Variants in SLC2A11 observed in about 807,000 individuals in gnomAD.
SLC2A11 encodes the protein solute carrier family 2, facilitated glucose transporter member 11.
Under a neutral mutation model 52.1 loss-of-function variants are expected in SLC2A11, and 43 were observed. That is an observed-to-expected ratio of 0.82 (90% CI 0.65 to 1.06). The LOEUF (loss-of-function observed/expected upper bound fraction) is 1.06. SLC2A11 is among the 50% of genes least tolerant of loss of function. The pLI is 0.00. For synonymous variants in SLC2A11, 261 were observed against 277.6 expected, an observed-to-expected ratio of 0.94 and a Z score of 0.59; for missense variants, 582 against 654.2, an observed-to-expected ratio of 0.89 and a Z score of 1.20.
chr22:23,884,032 G>A lies in SLC2A11; in HGVS notation c.1171+8G>A. 1 of 1,610,124 alleles carries A rather than the reference G, an allele frequency of 6.2e-7. No homozygotes were observed. Among genetic ancestry groups the A allele is most frequent in the Non-Finnish European group, 8.5e-7 (1 of 1,178,936 alleles). Reference sequence around the variant, plus strand: ...GCTTTGGCATTGGCCCTGGTGAGTGGGCCCAAGGGGCTCTGGGCATCCATC... The same window carrying A: ...GCTTTGGCATTGGCCCTGGTGAGTGAGCCCAAGGGGCTCTGGGCATCCATC... On this transcript the variant is annotated splice_region_variant and intron_variant, in intron 10 of 11. Transcript: ENST00000316185. This position sits in a 1 kb window ranked among gnomAD's most constrained non-coding sequence, Gnocchi z 4.3.
chr22:23,877,007 G>T lies in SLC2A11; in HGVS notation c.416-35G>T, dbSNP rs774418421. On this transcript the variant is annotated intron_variant, in intron 4 of 11. Coordinates refer to ENST00000316185, the MANE Select transcript of SLC2A11 (RefSeq NM_001024939.4). ...GTGTCGTGGAGTGGGGGTCCCAGCTGGTGGCTGACGTGCCTCTGCTGTGCA... is the reference window on the plus strand; with the variant it reads ...GTGTCGTGGAGTGGGGGTCCCAGCTTGTGGCTGACGTGCCTCTGCTGTGCA... 1.9e-6 allele frequency: 3 copies of T among 1,613,354 alleles called. No individual in the cohort carries two copies. The African/African-American group carries it at 4.0e-5, about 22-fold the overall frequency.
In SLC2A11 at chr22:23,877,127, C is replaced by G. The variant is rs1568993172; in HGVS notation, c.501C>G (p.Ile167Met). 3 of 1,613,740 alleles carry G rather than the reference C, an allele frequency of 1.9e-6. No homozygotes were observed. Among genetic ancestry groups the G allele is most frequent in the Non-Finnish European group, 2.5e-6 (3 of 1,179,876 alleles). Residue 167 changes from isoleucine to methionine, a missense_variant, in exon 5 of 12, where the codon ATC (isoleucine) becomes ATG (methionine). Coordinates refer to ENST00000316185, the MANE Select transcript of SLC2A11 (RefSeq NM_001024939.4). The part of the protein sequence containing the change: ...LRGAVAMSSA[I>M]FTALGIVMGQ... Reference sequence around the variant, plus strand: ...GAGCTGTGGCCATGAGCTCAGCCATCTTTACGGCTCTGGGGATCGTGATGG... The same window carrying G: ...GAGCTGTGGCCATGAGCTCAGCCATGTTTACGGCTCTGGGGATCGTGATGG...
Position 23,882,771 on chromosome 22 carries a change from G to A in SLC2A11, c.895G>A (p.Ala299Thr), listed in dbSNP as rs748524480. 8.7e-6 allele frequency: 14 copies of A among 1,612,804 alleles called. No homozygotes were observed. In the East Asian group the frequency reaches 1.6e-4, roughly 18 times the overall value. ...LCGNDSVYAY[A>T]SSVFRKAGVP... ...CACCCTCTCCCAGGTGTACGCCTAC[G>A]CCTCCTCCGTGTTCCGGAAGGCAGG... is the stretch of plus-strand genomic sequence containing the variant. The change falls in exon 8 of 12, where the codon GCC becomes ACC. Residue 299 changes from alanine (A) to threonine (T), a missense_variant. Ala to Thr is a moderately conservative substitution (Grantham distance 58). Transcript: ENST00000316185.
Position 23,883,878 on chromosome 22 carries a change from C to G in SLC2A11, c.1095+5C>G, listed in dbSNP as rs2146147727. 6.2e-7 allele frequency: 1 copy of G among 1,603,480 alleles called. No homozygotes were observed. ...ACTGTGGCCCTGTGCCTGCAGGTAG[C>G]TGGGGTGGATGAGGGCTGGGGGGTC... On this transcript the variant is annotated splice_donor_5th_base_variant and intron_variant, in intron 9 of 11. Transcript: ENST00000316185.
intron 3 of SLC2A11, chr22:23,870,072 A>G: frequency 1.4e-6 from 1 of 717,196 alleles, no homozygotes; most frequent in East Asian, 2.7e-5. Flanking sequence ...AGAGACACAA[A>G]CCTTCAAACC....
In SLC2A11 at chr22:23,884,798, C is replaced by T. The variant is rs761758106; in HGVS notation, c.1449C>T (p.Ala483=). ...ELHRLNFPRR[A]QGPTWRSLEV... is the part of the protein sequence containing the mutation. ...ACAGACTCAACTTCCCCAGGCGGGC[C>T]CAGGGCCCCACGTGGAGGAGCCTGG... is the stretch of plus-strand genomic sequence containing the variant. The change falls in exon 12 of 12, where the codon GCC becomes GCT. Residue 483 remains alanine, a synonymous_variant. Transcript: ENST00000316185. The surrounding 1 kb of genome is among the most constrained non-coding windows in gnomAD (Gnocchi z 4.3). The T allele has an allele frequency of 1.9e-6, 3 of 1,614,186 alleles. No homozygotes were observed. In the South Asian group the frequency reaches 3.3e-5, roughly 18 times the overall value.
chr22:23,882,572 C>T lies in SLC2A11; in HGVS notation c.808C>T (p.His270Tyr). ...RARRPWELFQHRALRRQVTSL... is the reference protein window; with the variant it reads ...RARRPWELFQYRALRRQVTSL... Reference sequence around the variant, plus strand: ...CCGGCGCCCATGGGAGCTGTTCCAGCATCGGGCCCTGAGGAGACAGGTGAC... The same window carrying T: ...CCGGCGCCCATGGGAGCTGTTCCAGTATCGGGCCCTGAGGAGACAGGTGAC... The change falls in exon 7 of 12, where the codon CAT becomes TAT. Residue 270 changes from histidine (H) to tyrosine (Y), a missense_variant. Coordinates refer to ENST00000316185, the MANE Select transcript of SLC2A11 (RefSeq NM_001024939.4). The T allele has an allele frequency of 5.0e-6, 8 of 1,612,990 alleles. No individual in the cohort carries two copies. Among genetic ancestry groups the T allele is most frequent in the Non-Finnish European group, 6.8e-6 (8 of 1,179,690 alleles).
intron 1 of SLC2A11, among the ~76,000 whole-genome samples, chr22:23,859,179 G>A (rs1321304641): frequency 6.6e-6 from 1 of 152,146 alleles, no homozygotes; most frequent in African/African-American, 2.4e-5. Flanking sequence ...ACTTCCATGC[G>A]GCCCCCGTGG....
chr22:23,869,877 G>T (rs764725835), intron 3 of SLC2A11: 14 of 648,028 alleles, frequency 2.2e-5, no homozygotes, highest in Non-Finnish European at 2.8e-5. Flanking sequence ...GGCGAATGCT[G>T]TGTCCTCATA....
At position 23,882,600 on chromosome 22, in the gene SLC2A11, G is replaced by C; in HGVS notation, c.836G>C (p.Ser279Thr). The C allele has an allele frequency of 6.2e-7, 1 of 1,613,510 alleles. No individual in the cohort carries two copies. The highest frequency in any genetic ancestry group is 8.5e-7 in the Non-Finnish European group (1 of 1,179,836). The part of the protein sequence containing the change: ...QHRALRRQVT[S>T]LVVLGSAMEL... The stretch of plus-strand genomic sequence containing the variant: ...CGGGCCCTGAGGAGACAGGTGACAA[G>C]CCTCGTGGTTCTGGGCAGTGCCATG... The change falls in exon 7 of 12, where the codon AGC (serine) becomes ACC (threonine). Residue 279 changes from serine to threonine, a missense_variant. Coordinates refer to ENST00000316185, the MANE Select transcript of SLC2A11 (RefSeq NM_001024939.4).
At chr22:23,867,200 A>AT (rs113034035) in intron 2 of SLC2A11, 169 of 148,164 alleles carry the variant, frequency 1.1e-3, no homozygotes, top group South Asian at 6.6e-3. Context: ...AACTCTTGGA[A>AT]TTTTTTTTTT....
intron 2 of SLC2A11, among the ~76,000 whole-genome samples, chr22:23,863,170 A>G (rs2032133461): frequency 6.6e-6 from 1 of 152,186 alleles, no homozygotes; most frequent in African/African-American, 2.4e-5. Flanking sequence ...CCTTCCTCTA[A>G]GCCTCCTTCC....
rs779440662 is a variant in SLC2A11 at position 23,883,753 on chromosome 22, GT to G, written c.994-18del. 3.7e-5 allele frequency: 56 copies of G among 1,498,766 alleles called. 1 individual carries two copies. The South Asian group carries it at 6.7e-4, about 18-fold the overall frequency. The allele number at this position is 1,498,766 out of a possible 1,614,324, so 92.8% of individuals were successfully genotyped here. On this transcript the variant is annotated intron_variant, in intron 8 of 11. Coordinates refer to ENST00000316185, the MANE Select transcript of SLC2A11 (RefSeq NM_001024939.4). Reference sequence around the variant, plus strand: ...GGACCATGGCTGGGTGTGTGGGTCTGTGCTTTCTGCCTTTGCAGTGTGTGGT... The same window carrying G: ...GGACCATGGCTGGGTGTGTGGGTCTGGCTTTCTGCCTTTGCAGTGTGTGGT...
intron 6 of SLC2A11, chr22:23,880,990 G>A (rs930842762): frequency 1.3e-5 from 2 of 151,958 alleles, no homozygotes; most frequent in Admixed American, 6.6e-5. Flanking sequence ...CATTTCTCCA[G>A]CCTCATCGCC....
At chr22:23,877,473 A>G in intron 5 of SLC2A11, 2 of 765,708 alleles carry the variant, frequency 2.6e-6, no homozygotes, top group Admixed American at 2.0e-5. Flanking sequence ...TCCAGAAAAA[A>G]GAGGAGAAGG....
At chr22:23,878,954 C>T (rs1231110688) in intron 6 of SLC2A11, among the ~76,000 whole-genome samples, 1 of 152,156 alleles carries the variant, frequency 6.6e-6, no homozygotes, top group African/African-American at 2.4e-5. Context: ...AAAATTAATG[C>T]TCTCATTTCA....
chr22:23,860,740 T>TG (rs2032022471), intron 1 of SLC2A11, among the ~76,000 whole-genome samples: 1 of 150,956 alleles, frequency 6.6e-6, no homozygotes, highest in Non-Finnish European at 1.5e-5. Context: ...CTCTTTTTTT[T>TG]TTTTGAGACG....
At chr22:23,872,291 G>A (rs998242190) in intron 3 of SLC2A11, 2 of 152,232 alleles carry the variant, frequency 1.3e-5, no homozygotes, top group East Asian at 1.9e-4. Context: ...GCTGCAGTGA[G>A]CTGTTATAGC....
At chr22:23,872,338 C>G (rs1213391144) in intron 3 of SLC2A11, 6 of 88,582 alleles carry the variant, frequency 6.8e-5, no homozygotes, top group Admixed American at 6.1e-4. Context: ...TAGTGAGACC[C>G]TATCTCTGAA....
Sources: allele counts gnomAD v4.1 joint callset (sites outside exome capture counted in the v4.1 genomes callset), GRCh38; gene constraint gnomAD v4.1.1; non-coding constraint Gnocchi (gnomAD v3.1); transcripts MANE v1.5; gene names NCBI Gene and HGNC (gene_info 2026-07-23, HGNC 2026-07-21).